PRKCB: variants seen among roughly 807,000 people sequenced by gnomAD.
PRKCB encodes the protein protein kinase C beta, also known as protein kinase C beta type.
PRKCB carries 13 observed loss-of-function variants against 81.5 expected under a neutral mutation model. The observed-to-expected ratio is 0.16, with a 90% CI of 0.10 to 0.25. The LOEUF is 0.25. Among genes scored for constraint, PRKCB ranks in the 10% least tolerant of loss-of-function variants. The pLI, the probability that PRKCB is intolerant of heterozygous loss-of-function variation, is 1.00. For synonymous variants in PRKCB, 335 were observed against 321.4 expected (o/e 1.04, Z -0.45); for missense variants, 509 against 875.7 (o/e 0.58, Z 5.29).
chr16:23,971,188 G>A (rs569637983), intron 2 of PRKCB, among the ~76,000 whole-genome samples: 46 of 152,266 alleles, frequency 3.0e-4, no homozygotes, highest in African/African-American at 1.1e-3. Context: ...TACCATCATT[G>A]TCACCATCTC....
At chr16:24,057,960 T>A (rs2141875044) in intron 5 of PRKCB, among the ~76,000 whole-genome samples, 1 of 152,290 alleles carries the variant, frequency 6.6e-6, no homozygotes, top group South Asian at 2.1e-4. Flanking sequence ...TTCTCAGAGC[T>A]TCCAACTGAA....
chr16:24,013,016 C>G (rs751886902), intron 3 of PRKCB, among the ~76,000 whole-genome samples: 4 of 152,164 alleles, frequency 2.6e-5, no homozygotes, highest in Non-Finnish European at 4.4e-5. Context: ...GTGTCTGCAC[C>G]CATTCCAGAC....
Position 24,174,545 on chromosome 16 carries a change from T to C in PRKCB, c.1359T>C (p.Gly453=), listed in dbSNP as rs770380229. 13 of 1,613,550 alleles carry C rather than the reference T, an allele frequency of 8.1e-6. No homozygotes were observed. The highest frequency in any genetic ancestry group is 1.3e-5 in the African/African-American group (1 of 74,830). ...AVFYAAEIAI[G]LFFLQSKGII... ...TTTACGCTGCAGAAATTGCCATCGG[T>C]CTGTTCTTCTTACAGAGTAAGGGCA... Residue 453 remains glycine (G), a synonymous_variant, in exon 12 of 17, where the codon GGT becomes GGC. Coordinates refer to ENST00000643927, the MANE Select transcript of PRKCB (RefSeq NM_002738.7).
Position 24,218,416 on chromosome 16 carries a change from A to G in PRKCB, c.*3600A>G. ...AAAGGGCAGGTGGGACATGGTAGAG[A>G]TGGACCCTACCCAGGAAACAGCTCC... On this transcript the variant is annotated 3_prime_UTR_variant, in exon 17 of 17. Transcript: ENST00000643927. 2.0e-6 allele frequency: 2 copies of G among 985,322 alleles called. No individual in the cohort carries two copies. Among genetic ancestry groups the G allele is most frequent in the Non-Finnish European group, 2.4e-6 (2 of 829,956 alleles). The allele number at this position is 985,322 out of a possible 1,614,324, so 61.0% of individuals were successfully genotyped here. A position where few individuals can be genotyped will look rare whatever the true frequency, so the allele number is the denominator to read the frequency against.
rs151278903 is a variant in PRKCB, at chr16:24,043,813, C to T, written c.529+8266C>T. 2.3e-3 allele frequency among the ~76,000 whole-genome samples: 356 copies of T among 152,304 alleles called. 1 individual carries two copies. Among genetic ancestry groups the T allele is most frequent in the African/African-American group, 8.4e-3 (349 of 41,556 alleles). ...TTGAAGTGGGCACTGCTGGGACCTG[C>T]AGGGCTGTGACTTGTGACTGCCTTT... On this transcript the variant is annotated intron_variant, in intron 5 of 16. Transcript: ENST00000643927.
At chr16:24,027,260 G>C (rs187874919) in intron 3 of PRKCB, among the ~76,000 whole-genome samples, 5 of 152,270 alleles carry the variant, frequency 3.3e-5, no homozygotes, top group African/African-American at 1.2e-4. Context: ...TTTTCGAACA[G>C]GTGTTCCTTT....
chr16:24,203,938 C>T (rs914749274), intron 16 of PRKCB, among the ~76,000 whole-genome samples: 1 of 152,044 alleles, frequency 6.6e-6, no homozygotes, highest in Admixed American at 6.6e-5. Context: ...CGTGATGCAC[C>T]AGGCTAAGTG....
At chr16:24,050,854 A>G (rs1965833023) in intron 5 of PRKCB, among the ~76,000 whole-genome samples, 1 of 151,942 alleles carries the variant, frequency 6.6e-6, no homozygotes, top group Admixed American at 6.6e-5. Context: ...CTGTTGACTT[A>G]TCTTGGGTTT....
rs548031222 is a variant in PRKCB at position 23,841,803 on chromosome 16, G to A, written c.205+4397G>A. Among the ~76,000 whole-genome samples the A allele has an allele frequency of 2.6e-5, 4 of 151,640 alleles. No individual in the cohort carries two copies. The East Asian group carries it at 5.8e-4, about 22-fold the overall frequency. On this transcript the variant is annotated intron_variant, in intron 2 of 16. Coordinates refer to ENST00000643927, the MANE Select transcript of PRKCB (RefSeq NM_002738.7). The stretch of plus-strand genomic sequence containing the variant: ...CTTGAGTAGCTGGAACTACAGGCAC[G>A]TGCCACCATGCCCGGCTAATTTTTA...
chr16:23,842,012 T>C (rs1333318274), intron 2 of PRKCB, among the ~76,000 whole-genome samples: 1 of 152,174 alleles, frequency 6.6e-6, no homozygotes, highest in Non-Finnish European at 1.5e-5. Context: ...CTTGCTTTGC[T>C]GCCTGTGCCT....
chr16:23,871,456 C>T (rs770059298), intron 2 of PRKCB, among the ~76,000 whole-genome samples: 10 of 152,126 alleles, frequency 6.6e-5, no homozygotes, highest in Non-Finnish European at 1.5e-4. Context: ...TGTCTCTCTT[C>T]CCCAGGATCA....
chr16:23,964,989 C>T (rs1964469160), intron 2 of PRKCB, among the ~76,000 whole-genome samples: 1 of 152,160 alleles, frequency 6.6e-6, no homozygotes, highest in Non-Finnish European at 1.5e-5. Context: ...TTGTTCATCA[C>T]TTACCTCCTT....
At chr16:24,119,930 G>T (rs114526617) in intron 8 of PRKCB, among the ~76,000 whole-genome samples, 5 of 152,124 alleles carry the variant, frequency 3.3e-5, no homozygotes, top group African/African-American at 4.8e-5. Flanking sequence ...TCACAGCAGC[G>T]TTGTTAGTAG....
chr16:24,093,810 G>T (rs1486050719), intron 6 of PRKCB, among the ~76,000 whole-genome samples: 1 of 152,130 alleles, frequency 6.6e-6, no homozygotes, highest in African/African-American at 2.4e-5. Flanking sequence ...ACCCACCTGT[G>T]TGCAGATATA....
At position 24,030,716 on chromosome 16, in the gene PRKCB, C is replaced by CAAA. The variant is rs59739745; in HGVS notation, c.289-1406_289-1404dup. 6.2e-3 allele frequency among the ~76,000 whole-genome samples: 813 copies of CAAA among 131,382 alleles called. 2 individuals carry two copies. The highest frequency in any genetic ancestry group is 0.011 in the African/African-American group (394 of 35,042). The allele number at this position is 131,382 out of a possible 152,430, so 86.2% of individuals were successfully genotyped here. ...CAACATAGTGAGACCCCCCTCTCTA[C>CAAA]AAAAAAAAAAAAAAAATTAAAAATT... On this transcript the variant is annotated intron_variant, in intron 3 of 16. Coordinates refer to ENST00000643927, the MANE Select transcript of PRKCB (RefSeq NM_002738.7).
intron 9 of PRKCB, among the ~76,000 whole-genome samples, chr16:24,141,132 T>C (rs1966895328): frequency 6.6e-6 from 1 of 152,250 alleles, no homozygotes. Context: ...GTTAATGGAC[T>C]CTTGTCTATA....
At position 24,185,103 on chromosome 16, in the gene PRKCB, T is replaced by A. The variant is rs758011367; in HGVS notation, c.1534-8T>A. 2 of 1,613,472 alleles carry A rather than the reference T, an allele frequency of 1.2e-6. No individual in the cohort carries two copies. The highest frequency in any genetic ancestry group is 4.5e-5 in the East Asian group (2 of 44,872). The stretch of plus-strand genomic sequence containing the variant: ...AACCTCCCTGATAGGGTGCCTTCTC[T>A]TTTCTAGATAATTGCTTATCAGCCC... On this transcript the variant is annotated splice_region_variant and splice_polypyrimidine_tract_variant and intron_variant, in intron 13 of 16. Coordinates refer to ENST00000643927, the MANE Select transcript of PRKCB (RefSeq NM_002738.7).
chr16:24,193,652 CCTTCTAGT>C (rs1461682566), intron 16 of PRKCB, among the ~76,000 whole-genome samples: 1 of 152,024 alleles, frequency 6.6e-6, no homozygotes, highest in Non-Finnish European at 1.5e-5. Context: ...CACTGGTCCT[CCTTCTAGT>C]CAGGGCATGG....
chr16:23,916,676 C>T (rs1567313139), intron 2 of PRKCB, among the ~76,000 whole-genome samples: 4 of 152,184 alleles, frequency 2.6e-5, no homozygotes, highest in Admixed American at 2.6e-4. Context: ...CAAACACGTA[C>T]ATTCAAATGT....
Sources: gnomAD v4.1 joint callset for allele counts (sites outside exome capture counted in the v4.1 genomes callset) on GRCh38, gnomAD v4.1.1 for gene constraint, MANE v1.5 for transcripts, NCBI Gene and HGNC (gene_info 2026-07-23, HGNC 2026-07-21) for gene names.